Variants in MSTO1 observed in about 807,000 individuals in gnomAD.
MSTO1 encodes protein misato homolog 1.
A neutral mutation model predicts 55.7 loss-of-function variants in MSTO1; 24 were observed. That is an observed-to-expected ratio of 0.43 (90% CI 0.31 to 0.61). The LOEUF is 0.61. MSTO1 is among the 20% of genes least tolerant of loss of function. MSTO1 has a pLI of 0.09. For synonymous variants in MSTO1, 162 were observed against 252.8 expected (o/e 0.64, Z 3.41); for missense variants, 363 against 625.7 (o/e 0.58, Z 4.48).
intron 4 of MSTO1, 73 bp from the exon 5 acceptor site, chr1:155,611,476 C>T: frequency 3.1e-6 from 5 of 1,613,820 alleles, no homozygotes; most frequent in Non-Finnish European, 4.2e-6. Flanking sequence ...GGCCAGCCAA[C>T]TCAAGGAGGA....
At chr1:155,566,470 CAA>C in the MSTO1 span, among the ~76,000 whole-genome samples, 1 of 151,958 alleles carries the variant, frequency 6.6e-6, no homozygotes, top group Non-Finnish European at 1.5e-5. Flanking sequence ...CCCATCTCTA[CAA>C]AAAATAAGAA....
At chr1:155,570,883 T>C in the MSTO1 span, among the ~76,000 whole-genome samples, 1 of 152,166 alleles carries the variant, frequency 6.6e-6, no homozygotes, top group Non-Finnish European at 1.5e-5. Context: ...CTACTGTATT[T>C]CCTTCCTTCT....
At chr1:155,591,012 A>T in the MSTO1 span, 6 of 1,613,910 alleles carry the variant, frequency 3.7e-6, no homozygotes, top group Non-Finnish European at 5.1e-6. Flanking sequence ...GGGTGATGAC[A>T]CAGACGGCAC....
At chr1:155,586,665 C>T in the MSTO1 span, 1 of 517,040 alleles carries the variant, frequency 1.9e-6, no homozygotes. Context: ...AAGGACAATG[C>T]TGAAAGGAAT....
the MSTO1 span, among the ~76,000 whole-genome samples, chr1:155,570,633 C>T: frequency 1.3e-5 from 2 of 152,086 alleles, no homozygotes; most frequent in Non-Finnish European, 2.9e-5. Context: ...TGAGAATGAG[C>T]GAGACCATGT....
At chr1:155,610,108 T>C, upstream of MSTO1, 1 of 796,746 alleles carries the variant, frequency 1.3e-6, no homozygotes, top group South Asian at 1.8e-5. Flanking sequence ...GATCGGCGCA[T>C]CGTTTCTCCA....
chr1:155,578,378 A>G, the MSTO1 span, among the ~76,000 whole-genome samples: 891 of 88,784 alleles, frequency 0.01, 14 homozygotes, highest in African/African-American at 0.035. Context: ...ATAGAGTCTC[A>G]CTCTGTCACC....
chr1:155,592,975 G>A, the MSTO1 span, among the ~76,000 whole-genome samples: 8 of 152,000 alleles, frequency 5.3e-5, no homozygotes, highest in African/African-American at 1.2e-4. Context: ...GCAATGGCAC[G>A]ATCTTGGCTC....
At chr1:155,609,402 C>T (rs1252104624), upstream of MSTO1, among the ~76,000 whole-genome samples, 1 of 151,102 alleles carries the variant, frequency 6.6e-6, no homozygotes, top group African/African-American at 2.4e-5. Flanking sequence ...CCCGCCACCA[C>T]GCCCAGCTAA....
At chr1:155,609,243 A>ATATATATATTTTT (rs59756178), upstream of MSTO1, among the ~76,000 whole-genome samples, 78 of 54,546 alleles carry the variant, frequency 1.4e-3, no homozygotes, top group Non-Finnish European at 1.9e-3. Flanking sequence ...ATATATATAT[A>ATATATATATTTTT]TTTTTTTTTT....
the MSTO1 span, among the ~76,000 whole-genome samples, chr1:155,585,890 C>A: frequency 9.4e-4 from 142 of 151,758 alleles, 1 homozygote; most frequent in African/African-American, 3.3e-3. Context: ...TTCAGTTTTC[C>A]TATATATATA....
upstream of MSTO1, among the ~76,000 whole-genome samples, chr1:155,605,374 T>G (rs1311453776): frequency 6.6e-6 from 1 of 152,172 alleles, no homozygotes; most frequent in Non-Finnish European, 1.5e-5. Flanking sequence ...CATAAACAAC[T>G]TGGTAGTAAT....
chr1:155,594,372 G>T, the MSTO1 span, among the ~76,000 whole-genome samples: 1 of 152,152 alleles, frequency 6.6e-6, no homozygotes, highest in Non-Finnish European at 1.5e-5. Flanking sequence ...CTGTACTCCA[G>T]CCTGGGTGAC....
upstream of MSTO1, among the ~76,000 whole-genome samples, chr1:155,606,045 CTTTT>C (rs780749091): frequency 1.1e-3 from 173 of 150,950 alleles, 3 homozygotes; most frequent in Non-Finnish European, 2.4e-4. Flanking sequence ...CTTTTTTTTT[CTTTT>C]TTTTGACAGA....
chr1:155,609,984 G>A (rs1455916593), upstream of MSTO1: 35 of 487,484 alleles, frequency 7.2e-5, no homozygotes, highest in East Asian at 1.2e-3. Flanking sequence ...CGGAGACGGC[G>A]CCCACCCCGC....
At chr1:155,571,437 C>T in the MSTO1 span, among the ~76,000 whole-genome samples, 1 of 152,146 alleles carries the variant, frequency 6.6e-6, no homozygotes, top group Non-Finnish European at 1.5e-5. Flanking sequence ...GACACCCCTG[C>T]TGTAGTCCAA....
upstream of MSTO1, chr1:155,610,004 G>A: frequency 5.7e-6 from 3 of 530,040 alleles, no homozygotes; most frequent in Non-Finnish European, 9.9e-6. Context: ...CTCCAACGTG[G>A]AGCAGGAGCA....
the MSTO1 span, chr1:155,566,436 C>G: frequency 6.6e-6 from 1 of 152,126 alleles, no homozygotes; most frequent in Non-Finnish European, 1.5e-5. Flanking sequence ...AGTTCAAGAC[C>G]AGCCTGGTTA....
chr1:155,602,296 G>C, the MSTO1 span: 1 of 298,680 alleles, frequency 3.3e-6, no homozygotes, highest in Non-Finnish European at 6.6e-6. Context: ...GACCAACATG[G>C]AGAAACCCTG....
Sources: allele counts gnomAD v4.1 joint callset (sites outside exome capture counted in the v4.1 genomes callset), GRCh38; gene constraint gnomAD v4.1.1; transcripts MANE v1.5; gene names NCBI Gene and HGNC (gene_info 2026-07-23, HGNC 2026-07-21).